Variants in FASTKD1 observed in about 807,000 individuals in gnomAD.
FASTKD1 encodes FAST kinase domain-containing protein 1, mitochondrial.
FASTKD1 carries 94 observed loss-of-function variants against 90.9 expected under a neutral mutation model. The ratio of observed to expected loss-of-function variants is 1.03; its 90% CI spans 0.88 to 1.23. The LOEUF is 1.23. Ranked by LOEUF, FASTKD1 falls within the 50% of genes most tolerant of loss-of-function variation. The probability of loss-of-function intolerance (pLI) is 0.00; values close to 1 mark genes in which losing one functional copy is unlikely to be tolerated. For synonymous variants in FASTKD1, 319 were observed against 345.8 expected, an observed-to-expected ratio of 0.92 and a Z score of 0.86; for missense variants, 945 against 993.5, an observed-to-expected ratio of 0.95 and a Z score of 0.66.
intron 6 of FASTKD1, among the ~76,000 whole-genome samples, chr2:169,556,105 A>G (rs1347472378): frequency 6.6e-6 from 1 of 152,168 alleles, no homozygotes; most frequent in East Asian, 1.9e-4. Context: ...TTACAAGGTT[A>G]TGATGCTCTG....
chr2:169,560,842 T>A, intron 4 of FASTKD1, 57 bp from the exon 5 acceptor site: 26 of 809,280 alleles, frequency 3.2e-5, no homozygotes, highest in East Asian at 8.9e-5. Flanking sequence ...ATCAATTCTT[T>A]TTTTTTTTTT....
chr2:169,564,208 C>T (rs896002064), intron 3 of FASTKD1, among the ~76,000 whole-genome samples: 1 of 151,948 alleles, frequency 6.6e-6, no homozygotes, highest in Non-Finnish European at 1.5e-5. Context: ...TAATTGTGAA[C>T]CTTACTCAGA....
chr2:169,543,894 C>A (rs1468940202), intron 9 of FASTKD1, among the ~76,000 whole-genome samples: 2 of 151,376 alleles, frequency 1.3e-5, no homozygotes, highest in African/African-American at 4.9e-5. Flanking sequence ...GAGATAACAA[C>A]CAAACACAAT....
intron 1 of FASTKD1, among the ~76,000 whole-genome samples, chr2:169,572,680 A>C (rs919103551): frequency 7.2e-5 from 11 of 152,064 alleles, no homozygotes; most frequent in Non-Finnish European, 1.5e-4. Context: ...AATAAATAAA[A>C]GAAGTCATAT....
intron 10 of FASTKD1, among the ~76,000 whole-genome samples, chr2:169,538,682 A>C (rs950727347): frequency 6.6e-6 from 1 of 151,394 alleles, no homozygotes; most frequent in African/African-American, 2.4e-5. Flanking sequence ...TCTCAAAAAA[A>C]AAAAAAAAAA....
rs183969391 is a variant in FASTKD1 at position 169,540,069 on chromosome 2, A to G, written c.1927T>C (p.Leu643=). The G allele has an allele frequency of 4.4e-6, 7 of 1,595,686 alleles. No individual in the cohort carries two copies. Among genetic ancestry groups the G allele is most frequent in the Admixed American group, 3.5e-5 (2 of 57,798 alleles). Residue 643 remains leucine, a synonymous_variant, in exon 10 of 15, where the codon TTG becomes CTG. Transcript: ENST00000453153. ...AIFNIKFLAR[L]DSQLEILSPS... is the part of the protein sequence containing the mutation. ...TACATACTTTCAAGTTGAGAATCCA[A>G]TCTAGCTAAGAATTTGATGTTAAAA...
At chr2:169,572,676 TAAAAG>T (rs1684285864) in intron 1 of FASTKD1, among the ~76,000 whole-genome samples, 1 of 152,020 alleles carries the variant, frequency 6.6e-6, no homozygotes, top group South Asian at 2.1e-4. Context: ...AATAAATAAA[TAAAAG>T]AAGTCATATA....
At chr2:169,545,305 T>C (rs1206506038) in intron 8 of FASTKD1, among the ~76,000 whole-genome samples, 2 of 152,250 alleles carry the variant, frequency 1.3e-5, no homozygotes, top group African/African-American at 4.8e-5. Context: ...GCAATTTCCA[T>C]GATAATCAGT....
chr2:169,548,929 C>A (rs1489900869), intron 7 of FASTKD1, among the ~76,000 whole-genome samples: 2 of 151,262 alleles, frequency 1.3e-5, no homozygotes, highest in Non-Finnish European at 2.9e-5. Flanking sequence ...ACCGTCTCTA[C>A]TAAAAATACA....
At chr2:169,562,333 A>G (rs991650213) in intron 4 of FASTKD1, among the ~76,000 whole-genome samples, 7 of 151,890 alleles carry the variant, frequency 4.6e-5, no homozygotes, top group African/African-American at 1.7e-4. Flanking sequence ...CCCAGGTTCA[A>G]GTAATTCCTG....
In FASTKD1 at chr2:169,540,124, T is replaced by C; in HGVS notation, c.1872A>G (p.Glu624=). ...VFLGFSLATL[E]YFPEDLLKAI... ...CCTTTAGCAGATCTTCTGGAAAATA[T>C]TCAAGTGTGGCCAAAGAGAAACCAA... The change falls in exon 10 of 15, where the codon GAA becomes GAG. Residue 624 remains glutamate (E), a synonymous_variant. Transcript: ENST00000453153. The C allele has an allele frequency of 3.7e-6, 6 of 1,609,714 alleles. No individual in the cohort carries two copies. Among genetic ancestry groups the C allele is most frequent in the Non-Finnish European group, 5.1e-6 (6 of 1,177,452 alleles).
intron 2 of FASTKD1, among the ~76,000 whole-genome samples, 172 bp downstream of exon 2, chr2:169,571,481 G>A (rs536889939): frequency 3.4e-5 from 5 of 147,924 alleles, no homozygotes; most frequent in African/African-American, 1.0e-4. Flanking sequence ...GGAGAATGGC[G>A]TGAACCTGGG....
intron 9 of FASTKD1, 44 bp from the exon 10 acceptor site, chr2:169,540,223 T>A: frequency 6.8e-7 from 1 of 1,470,026 alleles, no homozygotes; most frequent in African/African-American, 1.4e-5. Flanking sequence ...GCTGCCTCAC[T>A]TATATATACA....
chr2:169,547,264 A>G (rs1436976614), intron 7 of FASTKD1, among the ~76,000 whole-genome samples: 1 of 152,220 alleles, frequency 6.6e-6, no homozygotes, highest in Non-Finnish European at 1.5e-5. Context: ...CTCCCTGACC[A>G]TGCCACCCTC....
chr2:169,555,342 G>T, intron 6 of FASTKD1, 87 bp from the exon 7 acceptor site: 1 of 1,136,068 alleles, frequency 8.8e-7, no homozygotes, highest in Admixed American at 2.4e-5. Context: ...ACTCCGTTCT[G>T]TGCTGGAGAA....
intron 3 of FASTKD1, 105 bp from the exon 4 acceptor site, chr2:169,563,455 A>C: frequency 2.4e-6 from 2 of 818,590 alleles, no homozygotes; most frequent in Non-Finnish European, 3.3e-6. Context: ...AAATTACATA[A>C]AATTTTTTTT....
rs143363467 is a variant in FASTKD1 at position 169,567,516 on chromosome 2, C to T, written c.446+1668G>A. Among the ~76,000 whole-genome samples the T allele has an allele frequency of 1.5e-3, 222 of 152,246 alleles. 2 individuals are homozygous for T. The highest frequency in any genetic ancestry group is 3.4e-3 in the Middle Eastern group (1 of 294). On this transcript the variant is annotated intron_variant, in intron 3 of 14. Coordinates refer to ENST00000453153, the MANE Select transcript of FASTKD1 (RefSeq NM_024622.6). ...TAATAAGATTAACTTAAAATCACAA[C>T]TTAGTAGATTAATACAGAATTTCTA...
In FASTKD1 at chr2:169,555,177, A is replaced by C. The variant is rs368962522; in HGVS notation, c.1161T>G (p.Phe387Leu). ...ELLKITQELT[F>L]LHFQRKEFFA... ...AAAACTCCTTCCTTTGGAAATGCAG[A>C]AAAGTTAATTCTTGAGTTATCTTCA... The change falls in exon 7 of 15, where the codon TTT (phenylalanine) becomes TTG (leucine). Residue 387 changes from phenylalanine to leucine, a missense_variant. By Grantham distance (22) the Phe-to-Leu change is conservative (BLOSUM62 0). Coordinates refer to ENST00000453153, the MANE Select transcript of FASTKD1 (RefSeq NM_024622.6). The C allele has an allele frequency of 1.4e-5, 22 of 1,613,064 alleles. No individual in the cohort carries two copies. Among genetic ancestry groups the C allele is most frequent in the Non-Finnish European group, 1.9e-5 (22 of 1,179,482 alleles).
At chr2:169,553,803 T>A (rs1454678787) in intron 7 of FASTKD1, among the ~76,000 whole-genome samples, 8 of 151,824 alleles carry the variant, frequency 5.3e-5, no homozygotes, top group African/African-American at 1.9e-4. Flanking sequence ...GCACCTGTAG[T>A]CCCAGCTGCT....
Sources: gnomAD v4.1 joint callset for allele counts (sites outside exome capture counted in the v4.1 genomes callset) on GRCh38, gnomAD v4.1.1 for gene constraint, MANE v1.5 for transcripts, NCBI Gene and HGNC (gene_info 2026-07-23, HGNC 2026-07-21) for gene names.